Variants in DGCR2 observed in about 807,000 individuals in gnomAD.
DGCR2 encodes integral membrane protein DGCR2/IDD.
A neutral mutation model predicts 51.6 loss-of-function variants in DGCR2; 24 were observed. The observed-to-expected ratio is 0.47, with a 90% CI of 0.34 to 0.65. DGCR2 has a LOEUF of 0.65. Among genes scored for constraint, DGCR2 ranks in the 30% least tolerant of loss-of-function variants. The pLI, the probability that DGCR2 is intolerant of heterozygous loss-of-function variation, is 0.01. For missense variants in DGCR2, 765 were observed against 772.1 expected (o/e 0.99, Z 0.11); for synonymous variants, 340 against 315.4 (o/e 1.08, Z -0.82).
chr22:19,100,402 T>G (rs8135308), intron 1 of DGCR2, among the ~76,000 whole-genome samples: 21,575 of 152,238 alleles, frequency 0.14, 1,973 homozygotes, highest in South Asian at 0.28. Flanking sequence ...AATGGATTGT[T>G]GACACTTTAT....
At chr22:19,059,072 T>C (rs995551388) in intron 5 of DGCR2, among the ~76,000 whole-genome samples, 8 of 152,158 alleles carry the variant, frequency 5.3e-5, no homozygotes, top group Non-Finnish European at 1.0e-4. Flanking sequence ...GTGGCAGCCA[T>C]GAACAAGGCA....
At chr22:19,050,128 A>C (rs1041709399) in intron 6 of DGCR2, among the ~76,000 whole-genome samples, 5 of 152,374 alleles carry the variant, frequency 3.3e-5, no homozygotes, top group Admixed American at 3.3e-4. Context: ...CAGGAAGCTC[A>C]ACAAATTCCA....
At chr22:19,087,483 G>A (rs533686547) in intron 2 of DGCR2, among the ~76,000 whole-genome samples, 11 of 152,012 alleles carry the variant, frequency 7.2e-5, no homozygotes, top group Non-Finnish European at 8.8e-5. Context: ...TCTACCTCCT[G>A]GATTCAAGTG....
intron 1 of DGCR2, among the ~76,000 whole-genome samples, chr22:19,109,006 G>C (rs1388289921): frequency 6.6e-6 from 1 of 152,016 alleles, no homozygotes; most frequent in Non-Finnish European, 1.5e-5. Context: ...ACCTCAGCCT[G>C]GATGACAGAG....
intron 1 of DGCR2, among the ~76,000 whole-genome samples, chr22:19,102,425 G>A (rs944848741): frequency 3.9e-5 from 6 of 152,282 alleles, no homozygotes; most frequent in Admixed American, 1.3e-4. Context: ...AAATGGGGCC[G>A]GGCGTGGTGG....
intron 2 of DGCR2, among the ~76,000 whole-genome samples, chr22:19,082,054 G>GTTTT (rs1569068875): frequency 1.7e-5 from 2 of 116,462 alleles, no homozygotes; most frequent in Non-Finnish European, 2.1e-5. Flanking sequence ...TGTTTTTTGG[G>GTTTT]GTTTTTTTTG....
intron 2 of DGCR2, among the ~76,000 whole-genome samples, chr22:19,084,070 C>A (rs922880962): frequency 8.5e-5 from 13 of 152,238 alleles, no homozygotes; most frequent in African/African-American, 2.6e-4. Flanking sequence ...CGGCTCGCTA[C>A]AACCTCCACC....
chr22:19,068,827 TAGA>T (rs1162373080), intron 2 of DGCR2, among the ~76,000 whole-genome samples: 1 of 152,264 alleles, frequency 6.6e-6, no homozygotes, highest in Non-Finnish European at 1.5e-5. Context: ...AGTGCATGGC[TAGA>T]AGGTGTCAAC....
At chr22:19,066,301 T>C (rs1264979407) in intron 3 of DGCR2, among the ~76,000 whole-genome samples, 1 of 152,080 alleles carries the variant, frequency 6.6e-6, no homozygotes, top group African/African-American at 2.4e-5. Flanking sequence ...CCTGGGAGGC[T>C]GAGGTTGGAG....
intron 1 of DGCR2, among the ~76,000 whole-genome samples, chr22:19,115,577 C>G (rs1005202575): frequency 5.9e-5 from 9 of 152,246 alleles, no homozygotes; most frequent in Non-Finnish European, 1.2e-4. Flanking sequence ...GTAGCTGTTG[C>G]TCTTTATGTC....
chr22:19,064,440 C>A (rs2082724581), intron 4 of DGCR2, among the ~76,000 whole-genome samples: 1 of 152,220 alleles, frequency 6.6e-6, no homozygotes, highest in Non-Finnish European at 1.5e-5. Context: ...AAGCGAAGGC[C>A]CCCTTGCTTT....
At chr22:19,088,052 C>A (rs927889796) in intron 2 of DGCR2, among the ~76,000 whole-genome samples, 2 of 152,154 alleles carry the variant, frequency 1.3e-5, no homozygotes, top group Non-Finnish European at 1.5e-5. Context: ...TGGAACCCCC[C>A]CTCAAAGAAC....
intron 6 of DGCR2, among the ~76,000 whole-genome samples, chr22:19,056,747 G>C (rs929238005): frequency 3.9e-5 from 6 of 152,036 alleles, no homozygotes; most frequent in Non-Finnish European, 7.4e-5. Context: ...AGGGATGATT[G>C]TCTCTTCCGT....
intron 5 of DGCR2, among the ~76,000 whole-genome samples, chr22:19,060,066 C>T (rs2238737): frequency 0.18 from 26,836 of 152,184 alleles, 2,527 homozygotes; most frequent in South Asian, 0.28. Flanking sequence ...GGCAGCTGCC[C>T]CACTCAGGGT....
intron 7 of DGCR2, chr22:19,046,124 A>G (rs570206145): frequency 5.3e-5 from 8 of 152,202 alleles, no homozygotes; most frequent in African/African-American, 9.7e-5. Flanking sequence ...GGAAGAGCTA[A>G]CCTCCTAATG....
intron 5 of DGCR2, among the ~76,000 whole-genome samples, chr22:19,062,792 C>CTA (rs2082691868): frequency 6.9e-6 from 1 of 145,184 alleles, no homozygotes; most frequent in African/African-American, 2.4e-5. Context: ...CTCTCTCTCT[C>CTA]TCTCTCTCTC....
chr22:19,069,793 G>A (rs1213628869), intron 2 of DGCR2, among the ~76,000 whole-genome samples: 1 of 152,106 alleles, frequency 6.6e-6, no homozygotes, highest in East Asian at 1.9e-4. Context: ...CTGAGACTCT[G>A]GATACTCACT....
At chr22:19,062,776 C>CATTCGCATTCGCATTCGCATTCGCAT (rs1363509718) in intron 5 of DGCR2, among the ~76,000 whole-genome samples, 1 of 123,202 alleles carries the variant, frequency 8.1e-6, no homozygotes, top group Non-Finnish European at 1.7e-5. Flanking sequence ...CACATGCATG[C>CATTCGCATTCGCATTCGCATTCGCAT]TCACTCTCTC....
At chr22:19,041,606 GC>G in intron 8 of DGCR2, 200 bp downstream of exon 8, 1 of 659,136 alleles carries the variant, frequency 1.5e-6, no homozygotes, top group Non-Finnish European at 2.6e-6. Flanking sequence ...TCCGAGTTCT[GC>G]CCACCCTGTG....
Sources: allele counts gnomAD v4.1 joint callset (sites outside exome capture counted in the v4.1 genomes callset), GRCh38; gene constraint gnomAD v4.1.1; transcripts MANE v1.5; gene names NCBI Gene and HGNC (gene_info 2026-07-23, HGNC 2026-07-21).